The following DDX10 variants were observed in gnomAD, a reference collection of about 807,000 sequenced individuals.
DDX10 encodes probable ATP-dependent RNA helicase DDX10.
Under a neutral mutation model 104.3 loss-of-function variants are expected in DDX10, and 74 were observed. The observed-to-expected ratio is 0.71, with a 90% CI of 0.59 to 0.86. DDX10 has a LOEUF of 0.86. Among genes scored for constraint, DDX10 ranks in the 40% least tolerant of loss-of-function variants. The probability of loss-of-function intolerance (pLI) is 0.00; values close to 1 mark genes in which losing one functional copy is unlikely to be tolerated. For missense variants in DDX10, 952 were observed against 1,040.0 expected (o/e 0.92, Z 1.16); for synonymous variants, 351 against 353.4 (o/e 0.99, Z 0.08).
chr11:108,691,836 A>G (rs1187690559), intron 7 of DDX10, 40 bp from the exon 8 acceptor site: 3 of 1,581,148 alleles, frequency 1.9e-6, no homozygotes, highest in Middle Eastern at 1.7e-4. Flanking sequence ...TATTGCTGCC[A>G]TCTGCCATAA....
chr11:108,776,074 C>A (rs1019288198), intron 13 of DDX10, among the ~76,000 whole-genome samples: 1 of 152,080 alleles, frequency 6.6e-6, no homozygotes, highest in African/African-American at 2.4e-5. Context: ...TGGGTTATTT[C>A]CATATCTGTT....
chr11:108,672,362 A>G (rs1301663249), intron 1 of DDX10, among the ~76,000 whole-genome samples: 4 of 152,174 alleles, frequency 2.6e-5, no homozygotes, highest in Non-Finnish European at 4.4e-5. Context: ...AGCTACACCT[A>G]ATTTTAATGC....
At chr11:108,792,646 T>C (rs1861887165) in intron 13 of DDX10, among the ~76,000 whole-genome samples, 1 of 152,208 alleles carries the variant, frequency 6.6e-6, no homozygotes, top group Admixed American at 6.5e-5. Flanking sequence ...ATTCTCTTGA[T>C]TACTGTAGCT....
chr11:108,829,849 C>T (rs1273869134), intron 13 of DDX10, among the ~76,000 whole-genome samples: 1 of 152,094 alleles, frequency 6.6e-6, no homozygotes, highest in African/African-American at 2.4e-5. Context: ...GTGCTTTCCT[C>T]ACTTTATGTT....
intron 13 of DDX10, among the ~76,000 whole-genome samples, chr11:108,731,446 T>C (rs1381388801): frequency 6.6e-6 from 1 of 152,180 alleles, no homozygotes; most frequent in Non-Finnish European, 1.5e-5. Context: ...TAATATCTTT[T>C]GATTCTTCTC....
intron 16 of DDX10, among the ~76,000 whole-genome samples, chr11:108,886,721 A>C (rs1335842363): frequency 6.6e-6 from 1 of 152,222 alleles, no homozygotes; most frequent in Non-Finnish European, 1.5e-5. Context: ...TCTTCAAGAC[A>C]AACAAGCATT....
At chr11:108,666,489 A>C (rs2094210359) in intron 1 of DDX10, among the ~76,000 whole-genome samples, 1 of 152,168 alleles carries the variant, frequency 6.6e-6, no homozygotes, top group African/African-American at 2.4e-5. Flanking sequence ...TTAAACAAAC[A>C]AACAAAAAAG....
chr11:108,816,231 ACGTATGC>A (rs1347493299), intron 13 of DDX10, among the ~76,000 whole-genome samples: 7 of 152,160 alleles, frequency 4.6e-5, no homozygotes, highest in Non-Finnish European at 8.8e-5. Context: ...ATCTCCATCT[ACGTATGC>A]TCCCTAGGCA....
chr11:108,792,535 A>G lies in DDX10; in HGVS notation c.1966-45911A>G, dbSNP rs1037419721. On this transcript the variant is annotated intron_variant, in intron 13 of 17. Coordinates refer to ENST00000322536, the MANE Select transcript of DDX10 (RefSeq NM_004398.4). ...AAGACTGTCTTTTCCTCATTCAATT[A>G]TCTTGGTACCTTTAGAAATAAGTTT... 3.3e-5 allele frequency among the ~76,000 whole-genome samples: 5 copies of G among 152,276 alleles called. No homozygotes were observed. In the South Asian group the frequency reaches 8.3e-4, roughly 25 times the overall value.
chr11:108,918,253 T>C, intron 17 of DDX10: 2 of 507,544 alleles, frequency 3.9e-6, no homozygotes, highest in East Asian at 3.1e-5. Flanking sequence ...TTAATAGATA[T>C]GAGTATGATA....
chr11:108,816,678 A>G (rs928398850), intron 13 of DDX10, among the ~76,000 whole-genome samples: 15 of 150,650 alleles, frequency 1.0e-4, no homozygotes, highest in Admixed American at 8.7e-4. Flanking sequence ...TCAGCCTCCC[A>G]AGTAGTGGAG....
At chr11:108,922,878 G>A (rs908053149) in intron 17 of DDX10, among the ~76,000 whole-genome samples, 4 of 152,156 alleles carry the variant, frequency 2.6e-5, no homozygotes, top group South Asian at 2.1e-4. Context: ...TGTGAAACAG[G>A]GGACCAGCTA....
chr11:108,842,714 A>G (rs1018243691), intron 15 of DDX10, among the ~76,000 whole-genome samples: 3 of 152,248 alleles, frequency 2.0e-5, no homozygotes, highest in Admixed American at 6.5e-5. Context: ...TGCTGCTCTT[A>G]GTGCAGCAAT....
chr11:108,911,716 G>A (rs529432566), intron 16 of DDX10, among the ~76,000 whole-genome samples: 72 of 151,902 alleles, frequency 4.7e-4, no homozygotes, highest in African/African-American at 1.6e-3. Context: ...CTATAGGAGC[G>A]TGTCACCATG....
chr11:108,804,327 ATCTGTACAAAAC>A (rs935347074), intron 13 of DDX10, among the ~76,000 whole-genome samples: 46 of 151,934 alleles, frequency 3.0e-4, no homozygotes, highest in African/African-American at 1.1e-3. Context: ...TTGAAACCCC[ATCTGTACAAAAC>A]AATAAAAAAA....
intron 13 of DDX10, among the ~76,000 whole-genome samples, chr11:108,762,997 A>G (rs181693173): frequency 6.6e-6 from 1 of 152,202 alleles, no homozygotes; most frequent in Non-Finnish European, 1.5e-5. Context: ...AAGAAATTGC[A>G]GCCACAAAGT....
chr11:108,864,579 T>G (rs996116687), intron 16 of DDX10, among the ~76,000 whole-genome samples: 2 of 152,124 alleles, frequency 1.3e-5, no homozygotes, highest in Non-Finnish European at 2.9e-5. Flanking sequence ...CCTCAAGCGA[T>G]TCTCCTGCCT....
intron 13 of DDX10, among the ~76,000 whole-genome samples, chr11:108,836,179 A>G (rs1450640648): frequency 6.6e-6 from 1 of 152,172 alleles, no homozygotes; most frequent in African/African-American, 2.4e-5. Context: ...TAATCTTTTC[A>G]TTAGCTTTAT....
chr11:108,716,967 G>A (rs1269227910), intron 11 of DDX10, among the ~76,000 whole-genome samples: 2 of 151,412 alleles, frequency 1.3e-5, no homozygotes, highest in Admixed American at 6.6e-5. Flanking sequence ...TAGATTCTTC[G>A]GTAAAAGATG....
Sources: gnomAD v4.1 joint callset for allele counts (sites outside exome capture counted in the v4.1 genomes callset) on GRCh38, gnomAD v4.1.1 for gene constraint, MANE v1.5 for transcripts, NCBI Gene and HGNC (gene_info 2026-07-23, HGNC 2026-07-21) for gene names.